The following CSNK1D variants were observed in gnomAD, a reference collection of about 807,000 sequenced individuals.
CSNK1D encodes casein kinase 1 delta.
A neutral mutation model predicts 46.6 loss-of-function variants in CSNK1D; 16 were observed. The ratio of observed to expected loss-of-function variants is 0.34; its 90% CI spans 0.23 to 0.52. The LOEUF (loss-of-function observed/expected upper bound fraction) is 0.52, where lower values mean the gene tolerates loss of function less well. Ranked by LOEUF, CSNK1D falls within the 20% of genes least tolerant of loss-of-function variation. CSNK1D has a pLI of 0.95. For synonymous variants in CSNK1D, 276 were observed against 228.2 expected (o/e 1.21, Z -1.89); for missense variants, 398 against 578.4 (o/e 0.69, Z 3.20).
Position 82,244,266 on chromosome 17 carries a change from C to A in CSNK1D, c.*515G>T. On this transcript the variant is annotated 3_prime_UTR_variant, in exon 9 of 9. Coordinates refer to ENST00000314028, the MANE Select transcript of CSNK1D (RefSeq NM_001893.6). ...ACCTTCTCCCTGCCCGACTCCACCT[C>A]ATACACTAACTCCAAGCCAGCCTGT... 9.1e-7 allele frequency: 1 copy of A among 1,102,074 alleles called. No homozygotes were observed. 68.3% of individuals were successfully genotyped at this position (1,102,074 alleles called of 1,614,324 possible).
chr17:82,255,193 C>T lies in CSNK1D; in HGVS notation c.336+236G>A, dbSNP rs534851606. 3.3e-4 allele frequency: 184 copies of T among 561,718 alleles called. No homozygotes were observed. The highest frequency in any genetic ancestry group is 3.1e-3 in the African/African-American group (158 of 51,530). The allele number at this position is 561,718 out of a possible 1,614,324, so 34.8% of individuals were successfully genotyped here. Reference sequence around the variant, plus strand: ...TCGAGAAGCCAGTGAGCTGGGCCGCCGGAGCCTCGAGAAGCCAGTGAGCTG... The same window carrying T: ...TCGAGAAGCCAGTGAGCTGGGCCGCTGGAGCCTCGAGAAGCCAGTGAGCTG... On this transcript the variant is annotated intron_variant, in intron 3 of 8. Coordinates refer to ENST00000314028, the MANE Select transcript of CSNK1D (RefSeq NM_001893.6). The surrounding 1 kb of genome is among the most constrained non-coding windows in gnomAD (Gnocchi z 5.9).
chr17:82,243,312 G>A lies in CSNK1D; in HGVS notation c.*1469C>T, dbSNP rs981215985. 13 of 985,372 alleles carry A rather than the reference G, an allele frequency of 1.3e-5. No homozygotes were observed. The highest frequency in any genetic ancestry group is 5.2e-4 in the Middle Eastern group (1 of 1,936). 61.0% of individuals were successfully genotyped at this position (985,372 alleles called of 1,614,324 possible). On this transcript the variant is annotated 3_prime_UTR_variant, in exon 9 of 9. Transcript: ENST00000314028. ...AGCCCTAGAGTCCAAAGGGAACATC[G>A]TCCATCGTGATGGGGTCCAGCCGAA... is the stretch of plus-strand genomic sequence containing the variant.
At chr17:82,264,061 G>A (rs114282699) in intron 2 of CSNK1D, among the ~76,000 whole-genome samples, 1,957 of 152,360 alleles carry the variant, frequency 0.013, 46 homozygotes, top group African/African-American at 0.045. Flanking sequence ...CATAAACTTA[G>A]AAACGTCGGT....
Position 82,255,719 on chromosome 17 carries a change from C to T in CSNK1D, c.188-142G>A, listed in dbSNP as rs1279365289. 16 of 1,032,850 alleles carry T rather than the reference C, an allele frequency of 1.5e-5. No homozygotes were observed. The highest frequency in any genetic ancestry group is 4.9e-5 in the East Asian group (2 of 40,730). The allele number at this position is 1,032,850 out of a possible 1,614,324, so 64.0% of individuals were successfully genotyped here. A position where few individuals can be genotyped will look rare whatever the true frequency, so the allele number is the denominator to read the frequency against. Reference sequence around the variant, plus strand: ...TGGAGGTAGAAGACCCCGGCAACGCCGCTCCTCAGGGACCCATCCTCGAGA... The same window carrying T: ...TGGAGGTAGAAGACCCCGGCAACGCTGCTCCTCAGGGACCCATCCTCGAGA... On this transcript the variant is annotated intron_variant, in intron 2 of 8. Transcript: ENST00000314028. The surrounding 1 kb of genome is among the most constrained non-coding windows in gnomAD (Gnocchi z 5.9).
chr17:82,260,758 A>ATT (rs2051318276), intron 2 of CSNK1D: 1 of 136,170 alleles, frequency 7.3e-6, no homozygotes, highest in African/African-American at 3.1e-5. Context: ...GACTGATGGT[A>ATT]TACTGACTGA....
At chr17:82,253,354 C>T (rs1177580772) in intron 3 of CSNK1D, 110 bp from the exon 4 acceptor site, 3 of 918,282 alleles carry the variant, frequency 3.3e-6, no homozygotes, top group East Asian at 2.4e-5. Context: ...CCCTCAGCCA[C>T]AGCAGGGTAG....
downstream of CSNK1D, among the ~76,000 whole-genome samples, chr17:82,242,382 C>T (rs2050753404): frequency 6.6e-6 from 1 of 152,174 alleles, no homozygotes; most frequent in Admixed American, 6.5e-5. Context: ...CTGCCGGTGC[C>T]GCCCGAGAAG....
intron 2 of CSNK1D, among the ~76,000 whole-genome samples, chr17:82,261,451 T>C (rs2051337804): frequency 6.6e-6 from 1 of 150,574 alleles, no homozygotes; most frequent in South Asian, 2.1e-4. Context: ...CATGAAGACA[T>C]GCTCCACTCT....
chr17:82,248,838 C>T lies in CSNK1D; in HGVS notation c.1197+37G>A. ...CCGCTCTTGACTCGGACGGGGTAGCCCGAGGCCCAGCGCCCGCCCGGGAGC... is the reference window on the plus strand; with the variant it reads ...CCGCTCTTGACTCGGACGGGGTAGCTCGAGGCCCAGCGCCCGCCCGGGAGC... On this transcript the variant is annotated intron_variant, in intron 8 of 8. Transcript: ENST00000314028. The surrounding 1 kb of genome is among the most constrained non-coding windows in gnomAD (Gnocchi z 4.1). 1 of 1,596,934 alleles carries T rather than the reference C, an allele frequency of 6.3e-7. No individual in the cohort carries two copies. The highest frequency in any genetic ancestry group is 8.5e-7 in the Non-Finnish European group (1 of 1,171,406).
intron 8 of CSNK1D, chr17:82,247,666 A>T (rs1469996201): frequency 2.0e-6 from 2 of 985,368 alleles, no homozygotes; most frequent in South Asian, 4.7e-5. Flanking sequence ...GCTCGTGGAA[A>T]GAAGCCAGTT....
chr17:82,260,153 T>C (rs2051290676), intron 2 of CSNK1D, among the ~76,000 whole-genome samples: 1 of 151,300 alleles, frequency 6.6e-6, no homozygotes. Flanking sequence ...ATGTGACTGA[T>C]GGTGTACTGA....
chr17:82,261,538 G>T (rs190721195), intron 2 of CSNK1D, among the ~76,000 whole-genome samples: 1 of 152,186 alleles, frequency 6.6e-6, no homozygotes, highest in Non-Finnish European at 1.5e-5. Context: ...GTTTTCAGCA[G>T]TTGAACCCTA....
chr17:82,272,360 A>G (rs2051649428), intron 1 of CSNK1D: 1 of 152,314 alleles, frequency 6.6e-6, no homozygotes. Flanking sequence ...AAAAAAAAAA[A>G]TTACAAACTT....
Position 82,243,183 on chromosome 17 carries a change from C to G in CSNK1D, c.*1598G>C, listed in dbSNP as rs1855678416. 1 of 985,526 alleles carries G rather than the reference C, an allele frequency of 1.0e-6. No homozygotes were observed. The highest frequency in any genetic ancestry group is 1.7e-5 in the African/African-American group (1 of 57,238). The allele number at this position is 985,526 out of a possible 1,614,324, so 61.0% of individuals were successfully genotyped here. On this transcript the variant is annotated 3_prime_UTR_variant, in exon 9 of 9. Transcript: ENST00000314028. ...TCCATGGGCTCAGGCAGACGGCCAG[C>G]CAGCTGGTGGGGGGGTGAACAACTG...
Position 82,253,134 on chromosome 17 carries a change from G to A in CSNK1D, c.447C>T (p.Asp149=). Residue 149 remains aspartate, a synonymous_variant, in exon 4 of 9, where the codon GAC becomes GAT. Coordinates refer to ENST00000314028, the MANE Select transcript of CSNK1D (RefSeq NM_001893.6). ...CCCGGTACTTCTTGGCCAGCCCGAA[G>A]TCGATGATGTACACCAGGTTGCCCT... ...GKKGNLVYII[D]FGLAKKYRDA... is the part of the protein sequence containing the mutation. 6.2e-7 allele frequency: 1 copy of A among 1,614,250 alleles called. No individual in the cohort carries two copies. Among genetic ancestry groups the A allele is most frequent in the Non-Finnish European group, 8.5e-7 (1 of 1,180,032 alleles).
Position 82,251,480 on chromosome 17 carries a change from C to T in CSNK1D, c.784G>A (p.Asp262Asn), listed in dbSNP as rs375415516. 2 of 1,614,056 alleles carry T rather than the reference C, an allele frequency of 1.2e-6. No individual in the cohort carries two copies. Among genetic ancestry groups the T allele is most frequent in the Non-Finnish European group, 1.7e-6 (2 of 1,180,008 alleles). ...LNFCRSLRFD[D>N]KPDYSYLRQL... ...CGCAGGTACGAGTAGTCAGGCTTGT[C>T]GTCAAAACGCAAGGAACGGCAGAAA... Residue 262 changes from aspartate to asparagine, a missense_variant, in exon 6 of 9, where the codon GAC (aspartate) becomes AAC (asparagine). Coordinates refer to ENST00000314028, the MANE Select transcript of CSNK1D (RefSeq NM_001893.6). This position sits in a 1 kb window ranked among gnomAD's most constrained non-coding sequence, Gnocchi z 4.5.
chr17:82,248,383 T>A lies in CSNK1D; in HGVS notation c.1197+492A>T. ...GTCCAAGGGAAGACAGGTGAGGCCGTCAAAAGAAGGAAAGCCTCGTTGCAG... is the reference window on the plus strand; with the variant it reads ...GTCCAAGGGAAGACAGGTGAGGCCGACAAAAGAAGGAAAGCCTCGTTGCAG... On this transcript the variant is annotated intron_variant, in intron 8 of 8. Transcript: ENST00000314028. The surrounding 1 kb of genome is among the most constrained non-coding windows in gnomAD (Gnocchi z 4.1). 1.0e-6 allele frequency: 1 copy of A among 999,176 alleles called. No individual in the cohort carries two copies. The highest frequency in any genetic ancestry group is 1.2e-6 in the Non-Finnish European group (1 of 837,488). 61.9% of individuals were successfully genotyped at this position (999,176 alleles called of 1,614,324 possible). A position where few individuals can be genotyped will look rare whatever the true frequency, so the allele number is the denominator to read the frequency against.
At chr17:82,271,577 C>T (rs1361477861) in intron 1 of CSNK1D, among the ~76,000 whole-genome samples, 2 of 152,190 alleles carry the variant, frequency 1.3e-5, no homozygotes, top group Non-Finnish European at 2.9e-5. Context: ...ATAGCCAAAC[C>T]CAAATGTCTA....
Position 82,255,619 on chromosome 17 carries a change from G to T in CSNK1D, c.188-42C>A, listed in dbSNP as rs754568292. On this transcript the variant is annotated intron_variant, in intron 2 of 8. Coordinates refer to ENST00000314028, the MANE Select transcript of CSNK1D (RefSeq NM_001893.6). This position sits in a 1 kb window ranked among gnomAD's most constrained non-coding sequence, Gnocchi z 5.9. ...GACACAGTGTTTCAGTCCAGGCCCTGCCTCAGCTCCACACTAAGTCTGCAC... is the reference window on the plus strand; with the variant it reads ...GACACAGTGTTTCAGTCCAGGCCCTTCCTCAGCTCCACACTAAGTCTGCAC... The T allele has an allele frequency of 1.2e-6, 2 of 1,612,578 alleles. No homozygotes were observed. The highest frequency in any genetic ancestry group is 1.3e-5 in the African/African-American group (1 of 75,020).
Sources: gnomAD v4.1 joint callset for allele counts (sites outside exome capture counted in the v4.1 genomes callset) on GRCh38, gnomAD v4.1.1 for gene constraint, Gnocchi (gnomAD v3.1) non-coding constraint, MANE v1.5 for transcripts, NCBI Gene and HGNC (gene_info 2026-07-23, HGNC 2026-07-21) for gene names.